The following SLC8A1 variants were observed in gnomAD, a reference collection of about 807,000 sequenced individuals.
The protein encoded by SLC8A1 is solute carrier family 8 member A1.
Under a neutral mutation model 68.3 loss-of-function variants are expected in SLC8A1, and 18 were observed. That is an observed-to-expected ratio of 0.26 (90% CI 0.18 to 0.39). The LOEUF (loss-of-function observed/expected upper bound fraction) is 0.39, where lower values mean the gene tolerates loss of function less well. Ranked by LOEUF, SLC8A1 falls within the 10% of genes least tolerant of loss-of-function variation. SLC8A1 has a pLI of 1.00. For missense variants in SLC8A1, 985 were observed against 1,156.7 expected (o/e 0.85, Z 2.15); for synonymous variants, 475 against 415.5 (o/e 1.14, Z -1.74).
intron 6 of SLC8A1, among the ~76,000 whole-genome samples, chr2:40,154,300 T>TTTC (rs2044004422): frequency 4.8e-4 from 1 of 2,070 alleles, no homozygotes; most frequent in Admixed American, 0.016. Context: ...TTATTTATTC[T>TTTC]TTTTTTTTTT....
intron 1 of SLC8A1, among the ~76,000 whole-genome samples, chr2:40,438,083 G>A (rs896499652): frequency 9.2e-5 from 14 of 152,148 alleles, no homozygotes; most frequent in African/African-American, 1.9e-4. Context: ...TAGAAATCTC[G>A]GACTGCTCAG....
chr2:40,269,342 T>C (rs1254459883), intron 2 of SLC8A1, among the ~76,000 whole-genome samples: 1 of 152,238 alleles, frequency 6.6e-6, no homozygotes, highest in Non-Finnish European at 1.5e-5. Flanking sequence ...TACAGTACAC[T>C]GCTTATTAGA....
At chr2:40,477,056 T>G (rs1704336172) in intron 1 of SLC8A1, among the ~76,000 whole-genome samples, 1 of 152,228 alleles carries the variant, frequency 6.6e-6, no homozygotes, top group South Asian at 2.1e-4. Flanking sequence ...GGTGCATTTT[T>G]CCTATAGCAA....
intron 2 of SLC8A1, among the ~76,000 whole-genome samples, chr2:40,297,438 T>C (rs1456899726): frequency 6.6e-6 from 1 of 152,216 alleles, no homozygotes; most frequent in African/African-American, 2.4e-5. Context: ...AAATCCTACC[T>C]AGATTTATCA....
At chr2:40,376,484 G>A (rs1374411419) in intron 2 of SLC8A1, among the ~76,000 whole-genome samples, 1 of 152,090 alleles carries the variant, frequency 6.6e-6, no homozygotes, top group Non-Finnish European at 1.5e-5. Context: ...TAAATCTGAG[G>A]AGGTCTCACT....
chr2:40,251,163 C>CT (rs911887079), intron 2 of SLC8A1: 1 of 151,780 alleles, frequency 6.6e-6, no homozygotes, highest in African/African-American at 2.4e-5. Context: ...AAATGATTCT[C>CT]TTTTTTGAAT....
At chr2:40,224,170 T>A (rs987915390) in intron 2 of SLC8A1, among the ~76,000 whole-genome samples, 2 of 152,136 alleles carry the variant, frequency 1.3e-5, no homozygotes, top group Admixed American at 1.3e-4. Context: ...GCCAATCACT[T>A]AGCACCATAC....
intron 2 of SLC8A1, among the ~76,000 whole-genome samples, chr2:40,398,577 C>T (rs928058926): frequency 2.0e-5 from 3 of 151,822 alleles, no homozygotes; most frequent in African/African-American, 7.2e-5. Context: ...TTCCTACGTA[C>T]ATATTTTATT....
chr2:40,139,155 C>T (rs2041087549), intron 7 of SLC8A1, among the ~76,000 whole-genome samples: 1 of 152,166 alleles, frequency 6.6e-6, no homozygotes. Context: ...TGGTCTCTTA[C>T]AGGCCGTGGA....
chr2:40,242,137 TGTGTGTGTGC>T (rs2061306890), intron 2 of SLC8A1, among the ~76,000 whole-genome samples: 1 of 151,936 alleles, frequency 6.6e-6, no homozygotes, highest in Admixed American at 6.6e-5. Context: ...GAAGGATGTG[TGTGTGTGTGC>T]GTGTGTGTGT....
At chr2:40,496,601 A>G (rs1234316208) in intron 1 of SLC8A1, among the ~76,000 whole-genome samples, 1 of 151,952 alleles carries the variant, frequency 6.6e-6, no homozygotes, top group Non-Finnish European at 1.5e-5. Context: ...AAAGAGAAAG[A>G]TCCGAATTAC....
At chr2:40,500,121 C>T (rs1039154428) in intron 1 of SLC8A1, among the ~76,000 whole-genome samples, 1 of 151,904 alleles carries the variant, frequency 6.6e-6, no homozygotes, top group Non-Finnish European at 1.5e-5. Flanking sequence ...TATTGGCCAA[C>T]TTTTTAAAAA....
intron 1 of SLC8A1, among the ~76,000 whole-genome samples, chr2:40,445,072 G>A (rs1701195811): frequency 6.6e-6 from 1 of 152,172 alleles, no homozygotes; most frequent in South Asian, 2.1e-4. Flanking sequence ...GAGCACCCAT[G>A]TGTCAGAAAC....
At chr2:40,462,640 T>G (rs918869801) in intron 1 of SLC8A1, among the ~76,000 whole-genome samples, 1 of 151,622 alleles carries the variant, frequency 6.6e-6, no homozygotes, top group African/African-American at 2.4e-5. Flanking sequence ...AGAACTCATC[T>G]CAATAAAAAA....
At chr2:40,111,949 A>G (rs924805098) in exon 8 of SLC8A1, 3 of 152,162 alleles carry the variant, frequency 2.0e-5, no homozygotes, top group Non-Finnish European at 4.4e-5. Context: ...CATACTAAGC[A>G]ACGTAAAAAA....
In SLC8A1 at chr2:40,362,307, A is replaced by G. The variant is rs140393277; in HGVS notation, c.1808+66166T>C. Among the ~76,000 whole-genome samples the G allele has an allele frequency of 1.2e-3, 179 of 152,234 alleles. 1 individual carries two copies. Among genetic ancestry groups the G allele is most frequent in the African/African-American group, 3.9e-3 (163 of 41,560 alleles). On this transcript the variant is annotated intron_variant, in intron 2 of 7. Coordinates refer to ENST00000406785, the Ensembl canonical transcript of SLC8A1. The stretch of plus-strand genomic sequence containing the variant: ...AAAAAAGAAAAAAAAACTTAGATAG[A>G]TAGATTCCAGGGACACAAAACCAGT...
chr2:40,285,330 G>T (rs954372972), intron 2 of SLC8A1, among the ~76,000 whole-genome samples: 4 of 152,058 alleles, frequency 2.6e-5, no homozygotes, highest in South Asian at 2.1e-4. Context: ...TCTTTGTAAG[G>T]ACAGACCCAT....
intron 2 of SLC8A1, among the ~76,000 whole-genome samples, chr2:40,231,600 T>C (rs1281586259): frequency 6.6e-6 from 1 of 152,148 alleles, no homozygotes; most frequent in Non-Finnish European, 1.5e-5. Flanking sequence ...GTTCTCACCT[T>C]TGTCTTACAA....
intron 2 of SLC8A1, among the ~76,000 whole-genome samples, chr2:40,403,815 A>T (rs1689472987): frequency 6.6e-6 from 1 of 152,206 alleles, no homozygotes. Flanking sequence ...TAATAATAGC[A>T]TTGTCTCCGA....
Sources: gnomAD v4.1 joint callset for allele counts (sites outside exome capture counted in the v4.1 genomes callset) on GRCh38, gnomAD v4.1.1 for gene constraint, MANE v1.5 for transcripts, NCBI Gene and HGNC (gene_info 2026-07-23, HGNC 2026-07-21) for gene names.